Variants in EPHA6 observed in about 807,000 individuals in gnomAD.
EPHA6 encodes the protein EPH receptor A6.
Under a neutral mutation model 112.0 loss-of-function variants are expected in EPHA6, and 50 were observed. The observed-to-expected ratio is 0.45, with a 90% CI of 0.36 to 0.56. EPHA6 has a LOEUF of 0.56. EPHA6 is among the 20% of genes least tolerant of loss of function. EPHA6 has a pLI of 0.00. For synonymous variants in EPHA6, 529 were observed against 490.7 expected, an observed-to-expected ratio of 1.08 and a Z score of -1.03; for missense variants, 1,280 against 1,417.4, an observed-to-expected ratio of 0.90 and a Z score of 1.56.
intron 11 of EPHA6, among the ~76,000 whole-genome samples, chr3:97,589,392 G>C (rs1194503560): frequency 6.6e-6 from 1 of 152,008 alleles, no homozygotes; most frequent in Non-Finnish European, 1.5e-5. Context: ...AAGCATGCAG[G>C]CCATGTCAGC....
chr3:97,188,416 T>G (rs767090252), intron 3 of EPHA6, among the ~76,000 whole-genome samples: 1 of 152,018 alleles, frequency 6.6e-6, no homozygotes, highest in Non-Finnish European at 1.5e-5. Context: ...TTTACGTATT[T>G]CTATATTGCA....
At chr3:97,223,825 A>G (rs543876938) in intron 3 of EPHA6, among the ~76,000 whole-genome samples, 1 of 152,358 alleles carries the variant, frequency 6.6e-6, no homozygotes, top group South Asian at 2.1e-4. Context: ...TTGTAATCCA[A>G]GTTAAATATT....
intron 2 of EPHA6, among the ~76,000 whole-genome samples, chr3:96,937,855 T>G (rs1320004757): frequency 3.3e-5 from 5 of 152,198 alleles, no homozygotes; most frequent in Non-Finnish European, 7.4e-5. Context: ...CACCATTTAT[T>G]AAATAGGGAA....
chr3:97,689,384 G>A (rs1275598980), intron 14 of EPHA6, among the ~76,000 whole-genome samples: 1 of 151,742 alleles, frequency 6.6e-6, no homozygotes, highest in African/African-American at 2.4e-5. Context: ...TGGATAATGT[G>A]CTGGAAAAAA....
At chr3:97,109,879 A>C (rs1331794450) in intron 3 of EPHA6, among the ~76,000 whole-genome samples, 2 of 152,176 alleles carry the variant, frequency 1.3e-5, no homozygotes, top group African/African-American at 4.8e-5. Flanking sequence ...AGAAGTGATC[A>C]TATGGTAACC....
intron 7 of EPHA6, among the ~76,000 whole-genome samples, chr3:97,471,808 C>T (rs1299654847): frequency 6.6e-6 from 1 of 151,792 alleles, no homozygotes; most frequent in African/African-American, 2.4e-5. Context: ...ACCATGTAGG[C>T]TGGACACTGT....
intron 3 of EPHA6, among the ~76,000 whole-genome samples, chr3:97,045,064 G>T (rs1370140446): frequency 6.6e-6 from 1 of 151,874 alleles, no homozygotes; most frequent in Non-Finnish European, 1.5e-5. Flanking sequence ...TTTAATATCT[G>T]GTATTCTATG....
At chr3:97,106,911 A>G (rs1385517077) in intron 3 of EPHA6, among the ~76,000 whole-genome samples, 3 of 152,162 alleles carry the variant, frequency 2.0e-5, no homozygotes, top group Non-Finnish European at 4.4e-5. Flanking sequence ...TCAAGTGTAT[A>G]GAGAAAGGAA....
At position 97,592,650 on chromosome 3, in the gene EPHA6, A is replaced by G; in HGVS notation, c.2425A>G (p.Ser809Gly). Residue 809 changes from serine (S) to glycine (G), a missense_variant, in exon 12 of 18, where the codon AGC (serine) becomes GGC (glycine). Ser to Gly is a moderately conservative substitution (Grantham distance 56). This residue lies in a region of EPHA6 where 878 missense variants were observed against 999.7 expected (regional missense o/e 0.88). Coordinates refer to ENST00000389672, the MANE Select transcript of EPHA6 (RefSeq NM_001080448.3). Reference sequence around the variant, plus strand: ...CATTGGGGTGGAGGCGTTTTGCCCCAGCTTCCTGAGGGCAGGGTTTTTAAA... The same window carrying G: ...CATTGGGGTGGAGGCGTTTTGCCCCGGCTTCCTGAGGGCAGGGTTTTTAAA... ...PAIGVEAFCPSFLRAGFLNSI... is the reference protein window; with the variant it reads ...PAIGVEAFCPGFLRAGFLNSI... 1 of 1,613,612 alleles carries G rather than the reference A, an allele frequency of 6.2e-7. No homozygotes were observed. The highest frequency in any genetic ancestry group is 8.5e-7 in the Non-Finnish European group (1 of 1,179,744).
chr3:97,405,353 T>A, intron 6 of EPHA6, 79 bp downstream of exon 6: 1 of 1,256,550 alleles, frequency 8.0e-7, no homozygotes, highest in Non-Finnish European at 1.1e-6. Context: ...CGTTATACTA[T>A]ATTATTTTAT....
At chr3:97,131,019 G>GA (rs1179146047) in intron 3 of EPHA6, among the ~76,000 whole-genome samples, 15 of 151,932 alleles carry the variant, frequency 9.9e-5, no homozygotes, top group African/African-American at 3.6e-4. Flanking sequence ...ATTCCATCAG[G>GA]AAAAATCAAT....
At chr3:97,569,808 A>C (rs995764020) in intron 11 of EPHA6, 2 of 152,352 alleles carry the variant, frequency 1.3e-5, no homozygotes, top group East Asian at 3.9e-4. Flanking sequence ...TCTAGGATAC[A>C]CATAAAAATG....
chr3:97,476,580 C>A (rs557765525), intron 8 of EPHA6, among the ~76,000 whole-genome samples: 17 of 152,206 alleles, frequency 1.1e-4, no homozygotes, highest in Non-Finnish European at 2.1e-4. Context: ...TTTTAATACA[C>A]ATATGAAAAA....
chr3:96,892,549 A>G (rs1009732800), intron 2 of EPHA6, among the ~76,000 whole-genome samples: 6 of 152,122 alleles, frequency 3.9e-5, no homozygotes, highest in African/African-American at 1.4e-4. Flanking sequence ...TGTTGCATTG[A>G]CCAGAACTAG....
chr3:96,869,680 A>G (rs62262948), intron 2 of EPHA6, among the ~76,000 whole-genome samples: 4,714 of 152,118 alleles, frequency 0.031, 105 homozygotes, highest in Middle Eastern at 0.068. Flanking sequence ...TTTAAAACCT[A>G]TGTTTAATGT....
intron 6 of EPHA6, among the ~76,000 whole-genome samples, chr3:97,429,963 C>A (rs1453348964): frequency 6.6e-6 from 1 of 152,192 alleles, no homozygotes; most frequent in Non-Finnish European, 1.5e-5. Flanking sequence ...CTGCTCTAGG[C>A]ACTATGGCCC....
At chr3:97,578,499 A>ATATGGAATG (rs2093408451) in intron 11 of EPHA6, among the ~76,000 whole-genome samples, 1 of 152,222 alleles carries the variant, frequency 6.6e-6, no homozygotes, top group Non-Finnish European at 1.5e-5. Context: ...TATTCTGGCC[A>ATATGGAATG]GCCATATGGC....
intron 3 of EPHA6, among the ~76,000 whole-genome samples, chr3:97,043,013 C>A (rs2020122): frequency 0.028 from 4,213 of 152,214 alleles, 194 homozygotes; most frequent in African/African-American, 0.093. Context: ...AAGCAACTGT[C>A]TTATTGCAAA....
intron 1 of EPHA6, among the ~76,000 whole-genome samples, chr3:96,815,318 G>C (rs2032686750): frequency 6.6e-6 from 1 of 152,134 alleles, no homozygotes; most frequent in African/African-American, 2.4e-5. Context: ...CTGGAAGTCA[G>C]GCTCCGTGGC....
Sources: gnomAD v4.1 joint callset for allele counts (sites outside exome capture counted in the v4.1 genomes callset) on GRCh38, gnomAD v4.1.1 for gene constraint, gnomAD v4.1.1 regional missense constraint, MANE v1.5 for transcripts, NCBI Gene and HGNC (gene_info 2026-07-23, HGNC 2026-07-21) for gene names.